Variants in LINGO2 observed in about 807,000 individuals in gnomAD.
LINGO2 encodes leucine rich repeat and Ig domain containing 2.
A neutral mutation model predicts 30.6 loss-of-function variants in LINGO2; 14 were observed. The observed-to-expected ratio is 0.46, with a 90% CI of 0.30 to 0.72. The LOEUF (loss-of-function observed/expected upper bound fraction) is 0.72. Among genes scored for constraint, LINGO2 ranks in the 30% least tolerant of loss-of-function variants. The probability of loss-of-function intolerance (pLI) is 0.07; values close to 1 mark genes in which losing one functional copy is unlikely to be tolerated. For synonymous variants in LINGO2, 317 were observed against 288.5 expected (o/e 1.10, Z -1.00); for missense variants, 729 against 751.7 (o/e 0.97, Z 0.35).
chr9:28,443,771 C>T (rs1824293990), intron 2 of LINGO2, among the ~76,000 whole-genome samples: 1 of 152,162 alleles, frequency 6.6e-6, no homozygotes, highest in South Asian at 2.1e-4. Flanking sequence ...TCAGCATGGA[C>T]AGCCTGAGCA....
chr9:28,266,200 C>T (rs1260999521), intron 4 of LINGO2, among the ~76,000 whole-genome samples: 1 of 151,888 alleles, frequency 6.6e-6, no homozygotes, highest in Non-Finnish European at 1.5e-5. Flanking sequence ...CCCAAAAGAT[C>T]CCCATTTGAT....
intron 5 of LINGO2, among the ~76,000 whole-genome samples, chr9:28,005,838 C>A (rs956243562): frequency 6.6e-6 from 1 of 151,980 alleles, no homozygotes; most frequent in Admixed American, 6.6e-5. Context: ...AAGAAAGCAT[C>A]CAAAAATGCA....
At chr9:28,036,624 G>C (rs1426437413) in intron 4 of LINGO2, among the ~76,000 whole-genome samples, 1 of 152,182 alleles carries the variant, frequency 6.6e-6, no homozygotes, top group East Asian at 1.9e-4. Flanking sequence ...GAATGACAAA[G>C]GGACAAGACT....
chr9:29,068,655 G>A, the LINGO2 span, among the ~76,000 whole-genome samples: 4 of 151,958 alleles, frequency 2.6e-5, no homozygotes, highest in African/African-American at 9.6e-5. Flanking sequence ...TATCTGATCA[G>A]TGGAGAGCTA....
chr9:28,790,877 G>A, the LINGO2 span, among the ~76,000 whole-genome samples: 1 of 152,032 alleles, frequency 6.6e-6, no homozygotes, highest in Non-Finnish European at 1.5e-5. Context: ...GCAGTTTCAG[G>A]TACCCACTGT....
intron 2 of LINGO2, among the ~76,000 whole-genome samples, chr9:28,470,802 A>T (rs1351859967): frequency 1.3e-5 from 2 of 151,348 alleles, no homozygotes; most frequent in Non-Finnish European, 2.9e-5. Flanking sequence ...TTGAATTTTA[A>T]ATTAAGTGGG....
chr9:28,299,631 T>C (rs1252615522), intron 3 of LINGO2, among the ~76,000 whole-genome samples: 5 of 152,158 alleles, frequency 3.3e-5, no homozygotes, highest in Admixed American at 6.5e-5. Context: ...CACTTTATGG[T>C]GATTAAAATA....
intron 4 of LINGO2, among the ~76,000 whole-genome samples, chr9:28,252,556 C>A (rs889638119): frequency 1.3e-5 from 2 of 151,946 alleles, no homozygotes; most frequent in African/African-American, 4.8e-5. Context: ...TCTAAGCCAA[C>A]ATTTGTCTAA....
intron 2 of LINGO2, among the ~76,000 whole-genome samples, chr9:28,400,474 C>T (rs1047151084): frequency 1.3e-5 from 2 of 152,156 alleles, no homozygotes; most frequent in Non-Finnish European, 2.9e-5. Context: ...GCTGCCTCTA[C>T]CCAAAAGACC....
chr9:28,012,541 G>C (rs1175860681), intron 4 of LINGO2: 1 of 152,100 alleles, frequency 6.6e-6, no homozygotes, highest in African/African-American at 2.4e-5. Context: ...GCTAATCATA[G>C]TTTTACAAGA....
At chr9:28,472,176 G>T (rs1183517484) in intron 2 of LINGO2, among the ~76,000 whole-genome samples, 1 of 151,990 alleles carries the variant, frequency 6.6e-6, no homozygotes, top group African/African-American at 2.4e-5. Context: ...ATTCATTTAT[G>T]ATTTGTGCAC....
At chr9:28,881,705 C>T in the LINGO2 span, among the ~76,000 whole-genome samples, 460 of 150,868 alleles carry the variant, frequency 3.0e-3, 3 homozygotes, top group South Asian at 6.1e-3. Flanking sequence ...CATAAGTAAA[C>T]GTGTGTCATG....
chr9:28,809,948 A>G, the LINGO2 span, among the ~76,000 whole-genome samples: 7 of 152,028 alleles, frequency 4.6e-5, no homozygotes, highest in Non-Finnish European at 8.8e-5. Context: ...TATTTCTGCT[A>G]CCCTTCACCT....
intron 4 of LINGO2, among the ~76,000 whole-genome samples, chr9:28,230,097 C>T (rs1408540107): frequency 1.3e-4 from 20 of 151,874 alleles, no homozygotes; most frequent in South Asian, 8.3e-4. Flanking sequence ...TAACTATCAA[C>T]GTCACATTTA....
the LINGO2 span, among the ~76,000 whole-genome samples, chr9:29,120,494 G>T: frequency 6.6e-6 from 1 of 152,126 alleles, no homozygotes; most frequent in African/African-American, 2.4e-5. Context: ...CTAGTAAACA[G>T]TTAAATAAAA....
At chr9:28,213,241 G>A (rs1820653119) in intron 4 of LINGO2, among the ~76,000 whole-genome samples, 1 of 151,408 alleles carries the variant, frequency 6.6e-6, no homozygotes, top group Non-Finnish European at 1.5e-5. Flanking sequence ...AGTTCAATTT[G>A]TTGGAGAATC....
At chr9:28,058,036 A>G (rs925319462) in intron 4 of LINGO2, among the ~76,000 whole-genome samples, 2 of 152,138 alleles carry the variant, frequency 1.3e-5, no homozygotes, top group Non-Finnish European at 2.9e-5. Flanking sequence ...TAATTTTTAT[A>G]TCTTTGGAGG....
Position 28,427,577 on chromosome 9 carries a change from T to C in LINGO2, c.-279+48363A>G, listed in dbSNP as rs1365412055. 2.0e-5 allele frequency among the ~76,000 whole-genome samples: 3 copies of C among 152,268 alleles called. No homozygotes were observed. The East Asian group carries it at 5.8e-4, about 29-fold the overall frequency. On this transcript the variant is annotated intron_variant, in intron 2 of 5. Coordinates refer to ENST00000379992, the Ensembl canonical transcript of LINGO2. ...CTACAATTAATATGATACAGATGGA[T>C]TTTTCACAGATTTGTCTCATTCTAA... is the stretch of plus-strand genomic sequence containing the variant.
chr9:28,951,509 G>A, the LINGO2 span, among the ~76,000 whole-genome samples: 1 of 152,046 alleles, frequency 6.6e-6, no homozygotes, highest in Non-Finnish European at 1.5e-5. Context: ...TCTGCCTACC[G>A]ATTTTTCAAA....
Sources: gnomAD v4.1 joint callset for allele counts (sites outside exome capture counted in the v4.1 genomes callset) on GRCh38, gnomAD v4.1.1 for gene constraint, MANE v1.5 for transcripts, NCBI Gene and HGNC (gene_info 2026-07-23, HGNC 2026-07-21) for gene names.